STON1: variants seen among roughly 807,000 people sequenced by gnomAD.
STON1 encodes stonin 1.
STON1 carries 79 observed loss-of-function variants against 60.9 expected under a neutral mutation model. The ratio of observed to expected loss-of-function variants is 1.30; its 90% confidence interval spans 1.08 to 1.56. STON1 has a LOEUF of 1.56. STON1 is among the 40% of genes most tolerant of loss of function. The pLI is 0.00. For synonymous variants in STON1, 363 were observed against 306.9 expected (o/e 1.18, Z -1.91); for missense variants, 1,166 against 858.9 (o/e 1.36, Z -4.47).
chr2:48,534,828 A>G (rs1671358471), intron 1 of STON1, among the ~76,000 whole-genome samples: 1 of 152,132 alleles, frequency 6.6e-6, no homozygotes, highest in African/African-American at 2.4e-5. Flanking sequence ...AAACACACTG[A>G]TACGTAAAAT....
At chr2:48,541,210 G>A (rs1457984470) in intron 1 of STON1, among the ~76,000 whole-genome samples, 1 of 151,506 alleles carries the variant, frequency 6.6e-6, no homozygotes, top group African/African-American at 2.4e-5. Context: ...AATTAGCTGG[G>A]CATGGTGTTG....
At chr2:48,564,578 T>TCTCCTCCTCCTC (rs773952778) in intron 1 of STON1, among the ~76,000 whole-genome samples, 2 of 31,710 alleles carry the variant, frequency 6.3e-5, no homozygotes, top group South Asian at 2.0e-3. Flanking sequence ...TCCTTCTCCT[T>TCTCCTCCTCCTC]CTCCTCCTCC....
At position 48,554,722 on chromosome 2, in the gene STON1, T is replaced by TA. The variant is rs1244308143; in HGVS notation, c.-48+24506_-48+24507insA. On this transcript the variant is annotated intron_variant, in intron 1 of 3. Coordinates refer to ENST00000404752, the MANE Select transcript of STON1 (RefSeq NM_006873.4). ...TAAGTGCAAAATTTTTTTTTTTTTTTTTTATTTATTTATTTATTTTTTTAT... is the reference window on the plus strand; with the variant it reads ...TAAGTGCAAAATTTTTTTTTTTTTTTATTTATTTATTTATTTATTTTTTTAT... Among the ~76,000 whole-genome samples, 351 of 99,454 alleles carry TA rather than the reference T, an allele frequency of 3.5e-3. 59 individuals are homozygous for TA. Among genetic ancestry groups the TA allele is most frequent in the African/African-American group, 0.012 (324 of 26,354 alleles). The allele number at this position is 99,454 out of a possible 152,430, so 65.2% of individuals were successfully genotyped here.
chr2:48,592,595 C>CTATTATTAT (rs3047606), intron 3 of STON1, among the ~76,000 whole-genome samples: 17,458 of 136,390 alleles, frequency 0.13, 1,209 homozygotes, highest in South Asian at 0.17. Context: ...CCACACCCAG[C>CTATTATTAT]TATTATTATT....
intron 1 of STON1, among the ~76,000 whole-genome samples, chr2:48,559,122 A>G (rs1366665263): frequency 8.5e-5 from 13 of 152,246 alleles, no homozygotes; most frequent in Admixed American, 8.5e-4. Flanking sequence ...GTTTTAGATA[A>G]GGGATATTCA....
chr2:48,559,306 G>A (rs1047168687), intron 1 of STON1, among the ~76,000 whole-genome samples: 3 of 152,158 alleles, frequency 2.0e-5, no homozygotes, highest in Non-Finnish European at 4.4e-5. Flanking sequence ...GAAATGTCTT[G>A]CTCACAGTTC....
rs1469569366 is a variant in STON1, at chr2:48,585,670, T to A, written c.1930+3107T>A. Among the ~76,000 whole-genome samples the A allele has an allele frequency of 3.3e-5, 5 of 152,224 alleles. No homozygotes were observed. The East Asian group carries it at 9.6e-4, about 29-fold the overall frequency. On this transcript the variant is annotated intron_variant, in intron 2 of 3. Transcript: ENST00000404752. ...AATGGTCTATTCTAAAAGTTACTTGTGCTAGTTTTAGGTTAGAGGGTTTAA... is the reference window on the plus strand; with the variant it reads ...AATGGTCTATTCTAAAAGTTACTTGAGCTAGTTTTAGGTTAGAGGGTTTAA...
intron 1 of STON1, among the ~76,000 whole-genome samples, chr2:48,577,815 C>T (rs1673605220): frequency 6.6e-6 from 1 of 151,710 alleles, no homozygotes; most frequent in Non-Finnish European, 1.5e-5. Flanking sequence ...GCGATTTCAC[C>T]ATGTTGCCCA....
intron 1 of STON1, among the ~76,000 whole-genome samples, chr2:48,545,648 T>TATC (rs1243509692): frequency 2.0e-5 from 3 of 152,224 alleles, no homozygotes; most frequent in Non-Finnish European, 4.4e-5. Flanking sequence ...CATGGCTATG[T>TATC]ATCACCTAGT....
intron 1 of STON1, among the ~76,000 whole-genome samples, chr2:48,541,463 C>G (rs1343412011): frequency 6.7e-6 from 1 of 148,740 alleles, no homozygotes; most frequent in Admixed American, 6.8e-5. Flanking sequence ...GCAGGCGGAT[C>G]ACTTGACATC....
chr2:48,591,148 A>G (rs1362458199), intron 2 of STON1, among the ~76,000 whole-genome samples: 2 of 151,318 alleles, frequency 1.3e-5, no homozygotes, highest in Non-Finnish European at 2.9e-5. Context: ...CTTTTAATTA[A>G]GGAAAACAAT....
intron 1 of STON1, among the ~76,000 whole-genome samples, chr2:48,546,073 T>C (rs1279268433): frequency 6.6e-6 from 1 of 152,358 alleles, no homozygotes; most frequent in African/African-American, 2.4e-5. Context: ...TCAACCCTCA[T>C]GTCTTACCTG....
intron 1 of STON1, among the ~76,000 whole-genome samples, chr2:48,559,563 G>T (rs573464340): frequency 6.6e-6 from 1 of 152,278 alleles, no homozygotes; most frequent in Admixed American, 6.5e-5. Context: ...TATGAATTTT[G>T]GGAGACATAA....
At chr2:48,567,707 A>T (rs992946351) in intron 1 of STON1, among the ~76,000 whole-genome samples, 3 of 152,170 alleles carry the variant, frequency 2.0e-5, no homozygotes, top group African/African-American at 7.2e-5. Context: ...CTGGCCAGGA[A>T]TGGTATTTTA....
At chr2:48,554,719 TTTTTTTA>T (rs1672243979) in intron 1 of STON1, among the ~76,000 whole-genome samples, 1 of 63,184 alleles carries the variant, frequency 1.6e-5, no homozygotes, top group Admixed American at 1.5e-4. Context: ...TTTTTTTTTT[TTTTTTTA>T]TTTATTTATT....
At chr2:48,564,486 CTTCTTCTT>C (rs1672794353) in intron 1 of STON1, among the ~76,000 whole-genome samples, 3 of 24,680 alleles carry the variant, frequency 1.2e-4, no homozygotes, top group Admixed American at 3.8e-4. Context: ...CTTCTTTCTT[CTTCTTCTT>C]CTTCTTCTTC....
rs1289866105 is a variant in STON1 at position 48,582,239 on chromosome 2, G to C, written c.1606G>C (p.Val536Leu). The change falls in exon 2 of 4, where the codon GTC (valine) becomes CTC (leucine). Residue 536 changes from valine to leucine, a missense_variant. Val to Leu is a conservative substitution (Grantham distance 32). Transcript: ENST00000404752. ...CTTTTCCTTGAAGTCTGTAGTGGTT[G>C]TCCAGGGAGCATACGTGGAACTTCA... ...LPFSLKSVVVVQGAYVELQAF... is the reference protein window; with the variant it reads ...LPFSLKSVVVLQGAYVELQAF... 6.2e-7 allele frequency: 1 copy of C among 1,614,086 alleles called. No homozygotes were observed. The highest frequency in any genetic ancestry group is 8.5e-7 in the Non-Finnish European group (1 of 1,180,056).
At chr2:48,543,510 A>C (rs1024600444) in intron 1 of STON1, among the ~76,000 whole-genome samples, 1 of 133,614 alleles carries the variant, frequency 7.5e-6, no homozygotes, top group South Asian at 2.5e-4. Flanking sequence ...AAAACTCTTT[A>C]TTTCATTTTT....
intron 1 of STON1, among the ~76,000 whole-genome samples, chr2:48,543,192 C>A (rs1269617480): frequency 6.6e-6 from 1 of 151,916 alleles, no homozygotes; most frequent in Non-Finnish European, 1.5e-5. Flanking sequence ...CCAGGCTGAT[C>A]TCAAACTCCT....
Sources: gnomAD v4.1 joint callset for allele counts (sites outside exome capture counted in the v4.1 genomes callset) on GRCh38, gnomAD v4.1.1 for gene constraint, MANE v1.5 for transcripts, NCBI Gene and HGNC (gene_info 2026-07-23, HGNC 2026-07-21) for gene names.